The following KLHL13 variants were observed in gnomAD, a reference collection of about 807,000 sequenced individuals.
KLHL13 encodes kelch like family member 13.
In KLHL13, 10 loss-of-function variants were observed where a neutral mutation model predicts 37.1. The ratio of observed to expected loss-of-function variants is 0.27; its 90% CI spans 0.17 to 0.46. KLHL13 has a LOEUF of 0.46. Among genes scored for constraint, KLHL13 ranks in the 20% least tolerant of loss-of-function variants. KLHL13 has a pLI of 1.00. For synonymous variants in KLHL13, 163 were observed against 181.2 expected, an observed-to-expected ratio of 0.90 and a Z score of 0.81; for missense variants, 360 against 509.3, an observed-to-expected ratio of 0.71 and a Z score of 2.82.
intron 2 of KLHL13, among the ~76,000 whole-genome samples, chrX:117,941,844 T>C (rs899654960): frequency 6.3e-5 from 7 of 111,858 alleles, no homozygotes; most frequent in Non-Finnish European, 1.3e-4. Context: ...TCAGTTCTAC[T>C]CTGATCTTAG....
rs757776468 is a variant in KLHL13, at chrX:117,972,135, C to T, written c.98+596G>A. Among the ~76,000 whole-genome samples the T allele has an allele frequency of 3.6e-5, 4 of 111,860 alleles. No homozygotes were observed. In the South Asian group the frequency reaches 1.5e-3, roughly 41 times the overall value. Reference sequence around the variant, plus strand: ...ATTTGTAGAATACTTTTTCAATCCCCATAATATAACTGCTCATAGAGATAT... The same window carrying T: ...ATTTGTAGAATACTTTTTCAATCCCTATAATATAACTGCTCATAGAGATAT... On this transcript the variant is annotated intron_variant, in intron 1 of 6. Coordinates refer to ENST00000262820, the Ensembl canonical transcript of KLHL13.
chrX:118,085,430 G>T (rs1395931582), intron 1 of KLHL13, among the ~76,000 whole-genome samples: 5 of 109,652 alleles, frequency 4.6e-5, no homozygotes, highest in African/African-American at 6.6e-5. Flanking sequence ...AAAGGAGATA[G>T]ATATATATAT....
chrX:117,955,083 C>G (rs1269577649), intron 1 of KLHL13, among the ~76,000 whole-genome samples: 3 of 111,883 alleles, frequency 2.7e-5, no homozygotes, highest in African/African-American at 9.7e-5. Context: ...TTTCACCTTC[C>G]TAAGATTTTT....
At chrX:117,914,141 G>A (rs1217580010) in intron 4 of KLHL13, 1 of 109,818 alleles carries the variant, frequency 9.1e-6, no homozygotes, top group Non-Finnish European at 1.9e-5. Context: ...CTATTTTAAT[G>A]GAAGATTTCA....
Position 118,097,109 on chromosome X carries a change from C to T in KLHL13, c.-56+19399G>A, listed in dbSNP as rs760593698. On this transcript the variant is annotated intron_variant, in intron 1 of 6. Coordinates refer to the KLHL13 transcript ENST00000371882. ...TCAGGCAGGAGAAGGAAATAAAGGG[C>T]ATTCAATTAGGAAAAGAGGAAGTCA... is the stretch of plus-strand genomic sequence containing the variant. Among the ~76,000 whole-genome samples, 865 of 109,980 alleles carry T rather than the reference C, an allele frequency of 7.9e-3. 10 individuals carry two copies. Among genetic ancestry groups the T allele is most frequent in the African/African-American group, 0.026 (759 of 29,729 alleles).
At chrX:118,023,445 A>G (rs949856055) in intron 1 of KLHL13, among the ~76,000 whole-genome samples, 34 of 111,677 alleles carry the variant, frequency 3.0e-4, no homozygotes, top group African/African-American at 1.1e-3. Context: ...GTTTTCAAAC[A>G]CCTTTGGATT....
rs182083783 is a variant in KLHL13 at position 117,983,156 on chromosome X, G to C, written c.-55-37581C>G. Among the ~76,000 whole-genome samples the C allele has an allele frequency of 1.5e-3, 168 of 111,971 alleles. 2 individuals carry two copies. Among genetic ancestry groups the C allele is most frequent in the African/African-American group, 5.3e-3 (163 of 30,893 alleles). ...CCAACTGCAGCTGTGTCCCTGGTTAGCTTTCTGACCTCCAGTGTTATCTTC... is the reference window on the plus strand; with the variant it reads ...CCAACTGCAGCTGTGTCCCTGGTTACCTTTCTGACCTCCAGTGTTATCTTC... On this transcript the variant is annotated intron_variant, in intron 1 of 6. Coordinates refer to the KLHL13 transcript ENST00000371882.
intron 1 of KLHL13, among the ~76,000 whole-genome samples, chrX:118,007,370 CAAAAAAAA>C (rs57382655): frequency 1.1e-4 from 5 of 46,612 alleles, no homozygotes; most frequent in African/African-American, 2.9e-4. Flanking sequence ...GAGACCCTGT[CAAAAAAAA>C]AAAAAAAAAA....
chrX:118,093,599 T>C (rs1364481145), intron 1 of KLHL13, among the ~76,000 whole-genome samples: 3 of 112,070 alleles, frequency 2.7e-5, no homozygotes, highest in Non-Finnish European at 5.6e-5. Flanking sequence ...TGTAAATTAT[T>C]TTAAGTATTT....
At chrX:117,953,400 G>A (rs1004476796) in intron 1 of KLHL13, among the ~76,000 whole-genome samples, 1 of 109,944 alleles carries the variant, frequency 9.1e-6, no homozygotes, top group Non-Finnish European at 1.9e-5. Context: ...TCTGGGGACT[G>A]TTGTGGGGTG....
chrX:118,052,067 TATC>T (rs1237826960), intron 1 of KLHL13, among the ~76,000 whole-genome samples: 1 of 111,619 alleles, frequency 9.0e-6, no homozygotes, highest in Non-Finnish European at 1.9e-5. Flanking sequence ...TTATTAACTA[TATC>T]ATGAATGTGG....
intron 1 of KLHL13, among the ~76,000 whole-genome samples, chrX:118,087,323 A>T (rs989197628): frequency 1.8e-5 from 2 of 109,775 alleles, no homozygotes; most frequent in Admixed American, 9.8e-5. Context: ...TTATCAGAAA[A>T]ATCTCCTTAT....
At chrX:117,948,338 A>G (rs1455364469) in intron 1 of KLHL13, among the ~76,000 whole-genome samples, 4 of 112,145 alleles carry the variant, frequency 3.6e-5, no homozygotes, top group African/African-American at 9.7e-5. Context: ...ATTATCACTA[A>G]TTCTTCCAAG....
upstream of KLHL13, among the ~76,000 whole-genome samples, chrX:117,978,217 A>G (rs780802454): frequency 8.9e-6 from 1 of 112,471 alleles, no homozygotes; most frequent in African/African-American, 3.2e-5. Context: ...AGAAATATAA[A>G]TTAGTCAAAA....
chrX:118,045,813 A>G (rs1266167716), intron 1 of KLHL13, among the ~76,000 whole-genome samples: 7 of 111,440 alleles, frequency 6.3e-5, no homozygotes, highest in Admixed American at 5.7e-4. Flanking sequence ...TCTCCAAAAA[A>G]TAAAAATAAA....
At position 118,064,795 on chromosome X, in the gene KLHL13, G is replaced by A. The variant is rs186285441; in HGVS notation, c.-56+51713C>T. ...ACTACATATTTGCTAGCTGTTTTCT[G>A]TGTGTTTTAATTTCTTCACTGCTTC... On this transcript the variant is annotated intron_variant, in intron 1 of 6. Coordinates refer to the KLHL13 transcript ENST00000371882. 1.2e-3 allele frequency among the ~76,000 whole-genome samples: 138 copies of A among 111,838 alleles called. 1 individual carries two copies. Among genetic ancestry groups the A allele is most frequent in the African/African-American group, 3.3e-3 (101 of 30,870 alleles).
intron 1 of KLHL13, among the ~76,000 whole-genome samples, chrX:118,019,711 G>A (rs1305091796): frequency 1.8e-5 from 2 of 109,929 alleles, no homozygotes; most frequent in Non-Finnish European, 3.8e-5. Flanking sequence ...TTCTACATAT[G>A]GCTAGCCAGT....
At chrX:118,031,999 G>C (rs974204346) in intron 1 of KLHL13, among the ~76,000 whole-genome samples, 1 of 110,766 alleles carries the variant, frequency 9.0e-6, no homozygotes, top group Admixed American at 9.6e-5. Flanking sequence ...CTAGAAAATC[G>C]CATCACTCCC....
At chrX:117,903,616 A>C (rs898302679) in intron 5 of KLHL13, among the ~76,000 whole-genome samples, 1 of 110,068 alleles carries the variant, frequency 9.1e-6, no homozygotes, top group Non-Finnish European at 1.9e-5. Context: ...CTACATTATT[A>C]TTCTCTCTCT....
Sources: allele counts gnomAD v4.1 joint callset (sites outside exome capture counted in the v4.1 genomes callset), GRCh38; gene constraint gnomAD v4.1.1; transcripts MANE v1.5; gene names NCBI Gene and HGNC (gene_info 2026-07-23, HGNC 2026-07-21).